The following TTC7B variants were observed in gnomAD, a reference collection of about 807,000 sequenced individuals.
TTC7B encodes tetratricopeptide repeat domain 7B.
In TTC7B, 28 loss-of-function variants were observed where a neutral mutation model predicts 106.8. The observed-to-expected ratio is 0.26, with a 90% CI of 0.19 to 0.36. TTC7B has a LOEUF of 0.36. Ranked by LOEUF, TTC7B falls within the 10% of genes least tolerant of loss-of-function variation. TTC7B has a pLI of 1.00. For missense variants in TTC7B, 862 were observed against 1,076.4 expected, an observed-to-expected ratio of 0.80 and a Z score of 2.79; for synonymous variants, 405 against 430.6, an observed-to-expected ratio of 0.94 and a Z score of 0.74.
intron 3 of TTC7B, among the ~76,000 whole-genome samples, chr14:90,747,300 G>T (rs539874263): frequency 6.6e-6 from 1 of 152,308 alleles, no homozygotes; most frequent in East Asian, 1.9e-4. Flanking sequence ...GGACTCGACT[G>T]GGAGAAGAAA....
chr14:90,790,730 T>C (rs920745090), intron 1 of TTC7B, among the ~76,000 whole-genome samples: 7 of 152,038 alleles, frequency 4.6e-5, no homozygotes, highest in Non-Finnish European at 8.8e-5. Flanking sequence ...TGGGGGCACA[T>C]GACTTACCCT....
intron 19 of TTC7B, among the ~76,000 whole-genome samples, chr14:90,562,681 T>C (rs373509860): frequency 6.6e-6 from 1 of 152,214 alleles, no homozygotes; most frequent in East Asian, 1.9e-4. Context: ...CCCTAAATAC[T>C]TCAGGATGAA....
At position 90,769,906 on chromosome 14, in the gene TTC7B, C is replaced by G. The variant is rs185716071; in HGVS notation, c.445+10832G>C. 3.0e-4 allele frequency among the ~76,000 whole-genome samples: 45 copies of G among 152,192 alleles called. 1 individual carries two copies. In the East Asian group the frequency reaches 7.3e-3, roughly 25 times the overall value. ...GCATGCTTCTGTAATCTCAGCTATC[C>G]AGGGGGCTGAGGCAGGAGAGTCATT... On this transcript the variant is annotated intron_variant, in intron 3 of 19. Transcript: ENST00000328459.
intron 17 of TTC7B, among the ~76,000 whole-genome samples, chr14:90,601,119 T>G (rs1297456492): frequency 2.0e-5 from 3 of 152,156 alleles, no homozygotes; most frequent in African/African-American, 7.2e-5. Flanking sequence ...ACTACAGAAC[T>G]AATTAAGGAG....
chr14:90,816,157 G>C lies in TTC7B; in HGVS notation c.121+18C>G. Reference sequence around the variant, plus strand: ...CGCGGCGCCCCCCGCAGCCCAGGCCGGCGCGCCCGGAGCGTACCGTTGGCG... The same window carrying C: ...CGCGGCGCCCCCCGCAGCCCAGGCCCGCGCGCCCGGAGCGTACCGTTGGCG... On this transcript the variant is annotated intron_variant, in intron 1 of 19. Transcript: ENST00000328459. The C allele has an allele frequency of 8.3e-7, 1 of 1,205,894 alleles. No homozygotes were observed. The highest frequency in any genetic ancestry group is 1.1e-6 in the Non-Finnish European group (1 of 941,478). The allele number at this position is 1,205,894 out of a possible 1,614,324, so 74.7% of individuals were successfully genotyped here.
At chr14:90,691,078 T>G (rs1302653140) in intron 6 of TTC7B, among the ~76,000 whole-genome samples, 1 of 152,232 alleles carries the variant, frequency 6.6e-6, no homozygotes, top group East Asian at 1.9e-4. Context: ...TCCATTATAG[T>G]TTCATTTTGA....
Position 90,657,409 on chromosome 14 carries a change from G to A in TTC7B, c.1237-131C>T, listed in dbSNP as rs140054949. On this transcript the variant is annotated intron_variant, in intron 10 of 19. Coordinates refer to ENST00000328459, the MANE Select transcript of TTC7B (RefSeq NM_001010854.2). This position sits in a 1 kb window ranked among gnomAD's most constrained non-coding sequence, Gnocchi z 4.2. ...TGTCCAACTTTAAGCCCAAGCAAGCGGGGGCCTGAGGTGCATGAAAACCAG... is the reference window on the plus strand; with the variant it reads ...TGTCCAACTTTAAGCCCAAGCAAGCAGGGGCCTGAGGTGCATGAAAACCAG... 0.015 allele frequency: 10,689 copies of A among 727,948 alleles called. 133 individuals carry two copies. The highest frequency in any genetic ancestry group is 0.081 in the Middle Eastern group (328 of 4,072). 45.1% of individuals were successfully genotyped at this position (727,948 alleles called of 1,614,324 possible). A position where few individuals can be genotyped will look rare whatever the true frequency, so the allele number is the denominator to read the frequency against.
intron 1 of TTC7B, among the ~76,000 whole-genome samples, chr14:90,815,876 T>G (rs934682761): frequency 2.0e-5 from 3 of 151,580 alleles, no homozygotes; most frequent in African/African-American, 7.3e-5. Flanking sequence ...GTGGTCCCAG[T>G]GGAGCAGCGG....
intron 18 of TTC7B, among the ~76,000 whole-genome samples, chr14:90,591,634 T>C (rs1369141141): frequency 6.6e-6 from 1 of 152,204 alleles, no homozygotes; most frequent in Non-Finnish European, 1.5e-5. Context: ...GCCCTTCTAG[T>C]GTTTTAGACT....
intron 3 of TTC7B, among the ~76,000 whole-genome samples, chr14:90,779,468 CT>C (rs1202324195): frequency 1.3e-5 from 2 of 152,130 alleles, no homozygotes; most frequent in Non-Finnish European, 2.9e-5. Context: ...CCACACCCGG[CT>C]AATTTTTGTA....
At chr14:90,736,191 T>C (rs1470179094) in intron 4 of TTC7B, among the ~76,000 whole-genome samples, 1 of 151,920 alleles carries the variant, frequency 6.6e-6, no homozygotes, top group East Asian at 1.9e-4. Context: ...CCAACTACAT[T>C]TGGAAATTAA....
At chr14:90,576,207 G>T (rs1891257728) in intron 19 of TTC7B, among the ~76,000 whole-genome samples, 1 of 152,088 alleles carries the variant, frequency 6.6e-6, no homozygotes, top group Admixed American at 6.6e-5. Flanking sequence ...ATGGAAACAT[G>T]CAGCCTCTTT....
At chr14:90,571,968 ATCTC>A (rs1199830971) in intron 19 of TTC7B, among the ~76,000 whole-genome samples, 1 of 152,178 alleles carries the variant, frequency 6.6e-6, no homozygotes, top group Non-Finnish European at 1.5e-5. Flanking sequence ...TTCATGCTGA[ATCTC>A]TCCTCCCACA....
chr14:90,767,889 T>A (rs1343640564), intron 3 of TTC7B, among the ~76,000 whole-genome samples: 1 of 152,096 alleles, frequency 6.6e-6, no homozygotes, highest in African/African-American at 2.4e-5. Flanking sequence ...TGAAATTTGG[T>A]GAAAGATATT....
chr14:90,675,626 T>A (rs1393219576), intron 9 of TTC7B, among the ~76,000 whole-genome samples: 2 of 152,184 alleles, frequency 1.3e-5, no homozygotes, highest in African/African-American at 4.8e-5. Context: ...TTCCCCAAGG[T>A]TCCTGCCTAA....
chr14:90,568,796 G>C (rs758128223), intron 19 of TTC7B, among the ~76,000 whole-genome samples: 2 of 152,224 alleles, frequency 1.3e-5, no homozygotes, highest in Non-Finnish European at 2.9e-5. Flanking sequence ...TAACCAAACA[G>C]GAGTCATGTG....
Position 90,734,410 on chromosome 14 carries a change from ACT to A in TTC7B, c.577-4216_577-4215del, listed in dbSNP as rs1889439264. On this transcript the variant is annotated intron_variant, in intron 4 of 19. Transcript: ENST00000328459. The stretch of plus-strand genomic sequence containing the variant: ...ACACCAGCCTGAGTGACAGAGTGAG[ACT>A]CTGTCTCCCAAAAAAAAAAAAAAAG... 2.9e-5 allele frequency among the ~76,000 whole-genome samples: 4 copies of A among 137,986 alleles called. No homozygotes were observed. In the South Asian group the frequency reaches 6.9e-4, roughly 24 times the overall value. 90.5% of individuals were successfully genotyped at this position (137,986 alleles called of 152,430 possible).
chr14:90,737,546 G>GTTTTTTTT (rs71461922), intron 4 of TTC7B, among the ~76,000 whole-genome samples: 11 of 91,764 alleles, frequency 1.2e-4, no homozygotes, highest in Non-Finnish European at 1.3e-4. Context: ...GTATGATTCT[G>GTTTTTTTT]TTTTTTTTTT....
At chr14:90,654,718 C>T (rs992356114) in intron 12 of TTC7B, among the ~76,000 whole-genome samples, 2 of 152,194 alleles carry the variant, frequency 1.3e-5, no homozygotes, top group African/African-American at 2.4e-5. Context: ...AATCATCCCT[C>T]AAAGCGCAGT....
Sources: allele counts gnomAD v4.1 joint callset (sites outside exome capture counted in the v4.1 genomes callset), GRCh38; gene constraint gnomAD v4.1.1; non-coding constraint Gnocchi (gnomAD v3.1); transcripts MANE v1.5; gene names NCBI Gene and HGNC (gene_info 2026-07-23, HGNC 2026-07-21).